The following NYAP2 variants were observed in gnomAD, a reference collection of about 807,000 sequenced individuals.
NYAP2 encodes the protein neuronal tyrosine-phosphorylated phosphoinositide-3-kinase adapter 2.
NYAP2 carries 23 observed loss-of-function variants against 50.4 expected under a neutral mutation model. That is an observed-to-expected ratio of 0.46 (90% CI 0.33 to 0.65). The LOEUF (loss-of-function observed/expected upper bound fraction) is 0.65, where lower values mean the gene tolerates loss of function less well. Among genes scored for constraint, NYAP2 ranks in the 30% least tolerant of loss-of-function variants. The probability of loss-of-function intolerance (pLI) is 0.02; values close to 1 mark genes in which losing one functional copy is unlikely to be tolerated. For missense variants in NYAP2, 885 were observed against 861.0 expected, an observed-to-expected ratio of 1.03 and a Z score of -0.35; for synonymous variants, 394 against 365.2, an observed-to-expected ratio of 1.08 and a Z score of -0.90.
chr2:225,688,949 G>A, the NYAP2 span, among the ~76,000 whole-genome samples: 1 of 152,094 alleles, frequency 6.6e-6, no homozygotes. Context: ...TGCCAAGTTG[G>A]CCAGGCTGGT....
intron 3 of NYAP2, among the ~76,000 whole-genome samples, chr2:225,503,410 G>C (rs370844388): frequency 2.0e-5 from 3 of 152,102 alleles, no homozygotes; most frequent in African/African-American, 7.2e-5. Flanking sequence ...AGATTCCAAA[G>C]TACCGTAGAT....
At chr2:225,634,574 T>C (rs1276914902) in intron 6 of NYAP2, among the ~76,000 whole-genome samples, 1 of 152,156 alleles carries the variant, frequency 6.6e-6, no homozygotes, top group East Asian at 1.9e-4. Flanking sequence ...AAAAAAGCCA[T>C]TTCTTACACA....
At chr2:225,399,532 T>TA (rs1348995782), upstream of NYAP2, among the ~76,000 whole-genome samples, 1 of 152,022 alleles carries the variant, frequency 6.6e-6, no homozygotes, top group Non-Finnish European at 1.5e-5. Context: ...TTATTTTAGT[T>TA]AAAAAAATGT....
At chr2:225,528,283 C>A (rs1267661035) in intron 4 of NYAP2, among the ~76,000 whole-genome samples, 1 of 152,162 alleles carries the variant, frequency 6.6e-6, no homozygotes, top group Admixed American at 6.5e-5. Flanking sequence ...AACTAAAATT[C>A]TATGGGATAA....
chr2:225,662,157 G>A, the NYAP2 span, among the ~76,000 whole-genome samples: 1 of 152,156 alleles, frequency 6.6e-6, no homozygotes, highest in Non-Finnish European at 1.5e-5. Context: ...ATTCAACTAG[G>A]ACTTCAAATA....
chr2:225,594,376 T>C (rs893885253), intron 5 of NYAP2, among the ~76,000 whole-genome samples: 8 of 151,624 alleles, frequency 5.3e-5, no homozygotes, highest in Non-Finnish European at 1.2e-4. Flanking sequence ...ATACAAAAAT[T>C]AGTTGGGTGT....
chr2:225,646,997 A>T (rs1419534669), intron 6 of NYAP2, among the ~76,000 whole-genome samples: 1 of 152,162 alleles, frequency 6.6e-6, no homozygotes, highest in African/African-American at 2.4e-5. Flanking sequence ...CTGACCAGAA[A>T]CCAATAAAAG....
intron 3 of NYAP2, among the ~76,000 whole-genome samples, chr2:225,452,823 G>A (rs1689675296): frequency 6.6e-6 from 1 of 152,124 alleles, no homozygotes; most frequent in South Asian, 2.1e-4. Context: ...AACACACAGG[G>A]CTCAGTTTCA....
At chr2:225,547,464 T>A (rs980933345) in intron 4 of NYAP2, among the ~76,000 whole-genome samples, 3 of 152,228 alleles carry the variant, frequency 2.0e-5, no homozygotes, top group South Asian at 2.1e-4. Context: ...TAGTCTGTAA[T>A]GGTGAGGCTT....
intron 3 of NYAP2, among the ~76,000 whole-genome samples, chr2:225,418,777 CTT>C: frequency 6.6e-6 from 1 of 152,238 alleles, no homozygotes; most frequent in Non-Finnish European, 1.5e-5. Context: ...TTTTATAAAA[CTT>C]TTTATATACT....
At chr2:225,489,780 G>A (rs1690372284) in intron 3 of NYAP2, among the ~76,000 whole-genome samples, 1 of 152,110 alleles carries the variant, frequency 6.6e-6, no homozygotes, top group African/African-American at 2.4e-5. Flanking sequence ...GCAAATATAA[G>A]GCCCTTGAGA....
At chr2:225,676,444 A>C in the NYAP2 span, among the ~76,000 whole-genome samples, 3 of 152,044 alleles carry the variant, frequency 2.0e-5, no homozygotes, top group Non-Finnish European at 4.4e-5. Context: ...AATTTTATTG[A>C]AGATTATATG....
intron 6 of NYAP2, among the ~76,000 whole-genome samples, chr2:225,643,156 C>T (rs1211057031): frequency 6.6e-6 from 1 of 151,892 alleles, no homozygotes; most frequent in Non-Finnish European, 1.5e-5. Flanking sequence ...TTGGAATTTG[C>T]TTCTTGTTAT....
intron 3 of NYAP2, among the ~76,000 whole-genome samples, chr2:225,458,207 G>A (rs1008900105): frequency 6.6e-6 from 1 of 151,896 alleles, no homozygotes; most frequent in East Asian, 1.9e-4. Flanking sequence ...TGTACTCTGC[G>A]TACTACAGGT....
chr2:225,611,686 T>C (rs957248960), intron 5 of NYAP2, among the ~76,000 whole-genome samples: 1 of 152,054 alleles, frequency 6.6e-6, no homozygotes, highest in Non-Finnish European at 1.5e-5. Context: ...TATGAGTTCA[T>C]GTAATTATTT....
chr2:225,629,584 C>T (rs751403139), intron 6 of NYAP2, among the ~76,000 whole-genome samples: 7 of 152,134 alleles, frequency 4.6e-5, no homozygotes, highest in African/African-American at 7.2e-5. Context: ...ATTTGGCTTA[C>T]GGTTCTGCAG....
intron 4 of NYAP2, among the ~76,000 whole-genome samples, chr2:225,534,041 A>G (rs1454629940): frequency 6.6e-6 from 1 of 152,200 alleles, no homozygotes; most frequent in African/African-American, 2.4e-5. Context: ...AATACAAGTA[A>G]ATTAAATGTA....
chr2:225,505,883 T>C (rs1411473938), intron 3 of NYAP2, among the ~76,000 whole-genome samples: 1 of 152,106 alleles, frequency 6.6e-6, no homozygotes, highest in East Asian at 1.9e-4. Flanking sequence ...TCATTCACAA[T>C]GGGAAGAAGG....
chr2:225,592,071 C>T (rs1692517597), intron 5 of NYAP2, among the ~76,000 whole-genome samples: 1 of 152,138 alleles, frequency 6.6e-6, no homozygotes, highest in Non-Finnish European at 1.5e-5. Context: ...TGTGAGTGCT[C>T]ACCTTAGTGC....
Sources: gnomAD v4.1 joint callset for allele counts (sites outside exome capture counted in the v4.1 genomes callset) on GRCh38, gnomAD v4.1.1 for gene constraint, MANE v1.5 for transcripts, NCBI Gene and HGNC (gene_info 2026-07-23, HGNC 2026-07-21) for gene names.